The following FRK variants were observed in gnomAD, a reference collection of about 807,000 sequenced individuals.
The protein encoded by FRK is tyrosine-protein kinase FRK.
A neutral mutation model predicts 56.4 loss-of-function variants in FRK; 51 were observed. That is an observed-to-expected ratio of 0.90 (90% CI 0.72 to 1.14). FRK has a LOEUF of 1.14. Ranked by LOEUF, FRK falls within the 50% of genes most tolerant of loss-of-function variation. FRK has a pLI of 0.00. For synonymous variants in FRK, 245 were observed against 217.9 expected (o/e 1.12, Z -1.10); for missense variants, 570 against 601.4 (o/e 0.95, Z 0.55).
intron 4 of FRK, among the ~76,000 whole-genome samples, chr6:115,967,263 A>G (rs1379846582): frequency 1.3e-5 from 2 of 152,226 alleles, no homozygotes; most frequent in African/African-American, 4.8e-5. Context: ...GGCTAGGAAC[A>G]AAATGGGAAG....
Position 115,932,567 on chromosome 6 carries a change from A to G in FRK, c.*9847T>C, listed in dbSNP as rs1459395610. On this transcript the variant is annotated 3_prime_UTR_variant, in exon 8 of 8. Transcript: ENST00000606080. The stretch of plus-strand genomic sequence containing the variant: ...TGATGCAATTTGAATAAGGTACCCA[A>G]ATCATCACCATTCTAGCTCACATAA... 8 of 152,216 alleles carry G rather than the reference A, an allele frequency of 5.3e-5. No homozygotes were observed. Among genetic ancestry groups the G allele is most frequent in the Non-Finnish European group, 8.8e-5 (6 of 68,042 alleles). The allele number at this position is 152,216 out of a possible 1,614,324, so 9.4% of individuals were successfully genotyped here.
chr6:116,027,298 T>C (rs1333466162), intron 1 of FRK, among the ~76,000 whole-genome samples: 2 of 152,198 alleles, frequency 1.3e-5, no homozygotes. Flanking sequence ...GACAGCATAA[T>C]TTTTTAAACT....
At chr6:116,063,361 G>GCCTC (rs1777685295), upstream of FRK, among the ~76,000 whole-genome samples, 2 of 152,142 alleles carry the variant, frequency 1.3e-5, 1 homozygote, top group Middle Eastern at 6.3e-3. Context: ...ATACACATTA[G>GCCTC]AAACCTATTC....
intron 1 of FRK, among the ~76,000 whole-genome samples, chr6:116,045,038 C>T (rs1180701411): frequency 6.6e-6 from 1 of 152,090 alleles, no homozygotes; most frequent in Non-Finnish European, 1.5e-5. Flanking sequence ...ATGTGAAGGA[C>T]CTCTTCAAGG....
intron 1 of FRK, among the ~76,000 whole-genome samples, chr6:116,021,239 A>G (rs1485765693): frequency 6.6e-6 from 1 of 152,044 alleles, no homozygotes; most frequent in Non-Finnish European, 1.5e-5. Context: ...TTGGAAAAAC[A>G]CAAACGTAGA....
the FRK span, among the ~76,000 whole-genome samples, chr6:116,067,220 A>G: frequency 2.0e-5 from 3 of 152,202 alleles, no homozygotes; most frequent in Non-Finnish European, 4.4e-5. Flanking sequence ...AAAAGAGGCT[A>G]GCTATAGAGC....
Position 115,939,184 on chromosome 6 carries a change from T to G in FRK, c.*3230A>C, listed in dbSNP as rs182398297. On this transcript the variant is annotated 3_prime_UTR_variant, in exon 8 of 8. Coordinates refer to ENST00000606080, the MANE Select transcript of FRK (RefSeq NM_002031.3). Reference sequence around the variant, plus strand: ...CCTGAGACACAAGGCTGGTTCAACATACGCAAATCAATAAACACAATCCAT... The same window carrying G: ...CCTGAGACACAAGGCTGGTTCAACAGACGCAAATCAATAAACACAATCCAT... 2.0e-5 allele frequency: 3 copies of G among 152,228 alleles called. No individual in the cohort carries two copies. Among genetic ancestry groups the G allele is most frequent in the Admixed American group, 2.0e-4 (3 of 15,272 alleles). 9.4% of individuals were successfully genotyped at this position (152,228 alleles called of 1,614,324 possible). A position where few individuals can be genotyped will look rare whatever the true frequency, so the allele number is the denominator to read the frequency against.
At chr6:116,041,147 G>C (rs1365174949) in intron 1 of FRK, among the ~76,000 whole-genome samples, 1 of 152,182 alleles carries the variant, frequency 6.6e-6, no homozygotes, top group African/African-American at 2.4e-5. Flanking sequence ...TTTGATAAAA[G>C]ATAGCACAGA....
At chr6:116,049,814 T>A (rs1777119849) in intron 1 of FRK, among the ~76,000 whole-genome samples, 1 of 152,188 alleles carries the variant, frequency 6.6e-6, no homozygotes, top group African/African-American at 2.4e-5. Flanking sequence ...ATTGCTCTAC[T>A]AACAATAAAT....
intron 5 of FRK, among the ~76,000 whole-genome samples, chr6:115,946,900 G>A (rs1341439237): frequency 6.6e-6 from 1 of 152,118 alleles, no homozygotes; most frequent in African/African-American, 2.4e-5. Context: ...GGGAGTCCCT[G>A]GTGATTTTGG....
Position 115,933,152 on chromosome 6 carries a change from A to G in FRK, c.*9262T>C, listed in dbSNP as rs1315230501. 6.6e-6 allele frequency: 1 copy of G among 152,198 alleles called. No individual in the cohort carries two copies. Among genetic ancestry groups the G allele is most frequent in the Non-Finnish European group, 1.5e-5 (1 of 68,022 alleles). 9.4% of individuals were successfully genotyped at this position (152,198 alleles called of 1,614,324 possible). ...AAGAAAAAGAAAAACTTAATGGAAC[A>G]TTGAATTTTCTTTATTGCAAATTCT... On this transcript the variant is annotated 3_prime_UTR_variant, in exon 8 of 8. Coordinates refer to ENST00000606080, the MANE Select transcript of FRK (RefSeq NM_002031.3).
chr6:116,066,254 C>G, the FRK span, among the ~76,000 whole-genome samples: 1 of 152,134 alleles, frequency 6.6e-6, no homozygotes, highest in East Asian at 1.9e-4. Context: ...CTGGCCTAGC[C>G]TCCCAGCCTA....
In FRK at chr6:115,942,599, T is replaced by C. The variant is rs757464320; in HGVS notation, c.1333A>G (p.Met445Val). Residue 445 changes from methionine to valine, a missense_variant, in exon 8 of 8, where the codon ATG (methionine) becomes GTG (valine). Met to Val is a conservative substitution (Grantham distance 21). Coordinates refer to ENST00000606080, the MANE Select transcript of FRK (RefSeq NM_002031.3). ...SGMTGAQVIQMLAQNYRLPQP... is the reference protein window; with the variant it reads ...SGMTGAQVIQVLAQNYRLPQP... ...GGAAGTCTATAGTTTTGAGCCAACA[T>C]CTGGATTACCTGGGCACCTGTCATA... 32 of 1,613,556 alleles carry C rather than the reference T, an allele frequency of 2.0e-5. 1 individual carries two copies. In the South Asian group the frequency reaches 2.2e-4, roughly 11 times the overall value.
chr6:115,953,821 T>C (rs1340714628), intron 5 of FRK, among the ~76,000 whole-genome samples: 2 of 152,214 alleles, frequency 1.3e-5, no homozygotes, highest in Admixed American at 1.3e-4. Context: ...ATCTATTTAT[T>C]CAATACCTAA....
At chr6:116,041,334 C>G (rs1776702812) in intron 1 of FRK, among the ~76,000 whole-genome samples, 1 of 152,114 alleles carries the variant, frequency 6.6e-6, no homozygotes. Flanking sequence ...CCACTGTATA[C>G]CAGAAAAGAA....
intron 1 of FRK, among the ~76,000 whole-genome samples, chr6:116,053,523 T>G (rs1331869441): frequency 6.6e-6 from 1 of 152,180 alleles, no homozygotes; most frequent in East Asian, 1.9e-4. Flanking sequence ...AACACTAGGA[T>G]GTATCTGCAG....
chr6:115,957,960 T>G (rs993209847), intron 4 of FRK, among the ~76,000 whole-genome samples: 3 of 152,222 alleles, frequency 2.0e-5, no homozygotes, highest in Admixed American at 6.5e-5. Flanking sequence ...ATCATTGATA[T>G]GCATAGTCTT....
intron 2 of FRK, among the ~76,000 whole-genome samples, chr6:115,998,645 CA>C (rs1562278038): frequency 1.3e-5 from 2 of 152,216 alleles, no homozygotes; most frequent in Non-Finnish European, 2.9e-5. Flanking sequence ...TCTTGTCTCA[CA>C]ACAAAATAAC....
At chr6:116,095,682 C>T in the FRK span, among the ~76,000 whole-genome samples, 5 of 152,270 alleles carry the variant, frequency 3.3e-5, no homozygotes, top group South Asian at 2.1e-4. Flanking sequence ...CTACCACACA[C>T]TCTCAAAGGA....
Sources: gnomAD v4.1 joint callset for allele counts (sites outside exome capture counted in the v4.1 genomes callset) on GRCh38, gnomAD v4.1.1 for gene constraint, MANE v1.5 for transcripts, NCBI Gene and HGNC (gene_info 2026-07-23, HGNC 2026-07-21) for gene names.